TMPRSS13: variants seen among roughly 807,000 people sequenced by gnomAD.
The protein encoded by TMPRSS13 is transmembrane protease serine 13.
A neutral mutation model predicts 68.4 loss-of-function variants in TMPRSS13; 50 were observed. The observed-to-expected ratio is 0.73, with a 90% CI of 0.58 to 0.93. TMPRSS13 has a LOEUF of 0.93. TMPRSS13 is among the 40% of genes least tolerant of loss of function. The pLI, the probability that TMPRSS13 is intolerant of heterozygous loss-of-function variation, is 0.00. For missense variants in TMPRSS13, 615 were observed against 729.2 expected (o/e 0.84, Z 1.80); for synonymous variants, 267 against 285.8 (o/e 0.93, Z 0.66).
At position 117,914,598 on chromosome 11, in the gene TMPRSS13, G is replaced by C. The variant is rs180774032; in HGVS notation, c.557-84C>G. 1.4e-5 allele frequency: 22 copies of C among 1,581,572 alleles called. No individual in the cohort carries two copies. The highest frequency in any genetic ancestry group is 2.7e-5 in the African/African-American group (2 of 74,384). Reference sequence around the variant, plus strand: ...AGCAGCCCAAGGACCTGGGGGTTCTGAGACACCGACCTGCAATCCCTCTTG... The same window carrying C: ...AGCAGCCCAAGGACCTGGGGGTTCTCAGACACCGACCTGCAATCCCTCTTG... On this transcript the variant is annotated intron_variant, in intron 3 of 12. Coordinates refer to ENST00000524993, the MANE Select transcript of TMPRSS13 (RefSeq NM_001077263.3). The surrounding 1 kb of genome is among the most constrained non-coding windows in gnomAD (Gnocchi z 4.2).
chr11:117,908,915 A>C, intron 8 of TMPRSS13, 131 bp from the exon 9 acceptor site: 1 of 872,934 alleles, frequency 1.1e-6, no homozygotes, highest in Admixed American at 2.8e-5. Context: ...TGACCTCTGG[A>C]GGGAACCCTC....
At chr11:117,904,192 C>T in intron 10 of TMPRSS13, 91 bp from the exon 11 acceptor site, 1 of 1,487,866 alleles carries the variant, frequency 6.7e-7, no homozygotes, top group East Asian at 2.3e-5. Context: ...CCCCAAGACC[C>T]AGAATCACAG....
At chr11:117,910,930 G>A (rs986726515) in intron 6 of TMPRSS13, among the ~76,000 whole-genome samples, 180 bp from the exon 7 acceptor site, 14 of 152,124 alleles carry the variant, frequency 9.2e-5, no homozygotes, top group African/African-American at 3.1e-4. Context: ...CCAGTGCTTT[G>A]TCCAGAATCG....
At chr11:117,918,947 T>C in intron 1 of TMPRSS13, 109 bp from the exon 2 acceptor site, 1 of 1,455,454 alleles carries the variant, frequency 6.9e-7, no homozygotes, top group Non-Finnish European at 9.3e-7. Flanking sequence ...AGCTAGGGGT[T>C]GAGCAAAGCC....
intron 12 of TMPRSS13, chr11:117,903,265 A>G (rs889995413): frequency 3.1e-6 from 4 of 1,273,476 alleles, no homozygotes; most frequent in Admixed American, 2.9e-5. Flanking sequence ...GAGCTGGGAA[A>G]GGCCATGAAG....
intron 1 of TMPRSS13, among the ~76,000 whole-genome samples, chr11:117,919,649 C>G (rs940438144): frequency 7.2e-5 from 11 of 152,288 alleles, no homozygotes; most frequent in African/African-American, 1.2e-4. Flanking sequence ...ATACTAATCA[C>G]TCGTGTGTGT....
chr11:117,906,213 G>GT (rs1186063514), intron 9 of TMPRSS13, among the ~76,000 whole-genome samples: 1 of 152,268 alleles, frequency 6.6e-6, no homozygotes, highest in African/African-American at 2.4e-5. Context: ...TCCAGAGCCT[G>GT]TGGCTCTCCT....
chr11:117,908,187 A>T (rs2057482752), intron 9 of TMPRSS13: 5 of 606,694 alleles, frequency 8.2e-6, no homozygotes, highest in Non-Finnish European at 7.2e-6. Flanking sequence ...TCTCTCTGTA[A>T]AGCTCCATTT....
At chr11:117,903,323 T>G (rs1215796352) in intron 12 of TMPRSS13, 1 of 1,423,214 alleles carries the variant, frequency 7.0e-7, no homozygotes, top group Non-Finnish European at 9.5e-7. Flanking sequence ...TATCACAAAA[T>G]CCTCTGCAGA....
chr11:117,906,059 C>A (rs765614390), intron 9 of TMPRSS13, among the ~76,000 whole-genome samples: 2 of 152,266 alleles, frequency 1.3e-5, no homozygotes, highest in Non-Finnish European at 1.5e-5. Flanking sequence ...GGGTCTCTCC[C>A]TACTGAGAGG....
intron 6 of TMPRSS13, among the ~76,000 whole-genome samples, chr11:117,911,311 C>T (rs1378416461): frequency 6.6e-6 from 1 of 152,204 alleles, no homozygotes; most frequent in Non-Finnish European, 1.5e-5. Flanking sequence ...TGGCGGTCCC[C>T]TACTGCTGCC....
intron 12 of TMPRSS13, chr11:117,903,214 C>G: frequency 7.4e-7 from 1 of 1,354,270 alleles, no homozygotes; most frequent in Non-Finnish European, 9.6e-7. Context: ...AAAAAGACAA[C>G]AACAACAACA....
At chr11:117,902,409 G>T in intron 12 of TMPRSS13, 144 bp from the exon 13 acceptor site, 1 of 865,488 alleles carries the variant, frequency 1.2e-6, no homozygotes, top group Non-Finnish European at 1.9e-6. Flanking sequence ...AAAGGGAAAG[G>T]ATGGATGCAG....
intron 8 of TMPRSS13, 111 bp from the exon 9 acceptor site, chr11:117,908,895 A>G (rs1300406699): frequency 9.0e-7 from 1 of 1,108,060 alleles, no homozygotes; most frequent in Non-Finnish European, 1.3e-6. Flanking sequence ...AGGCAGGAGG[A>G]TGGATAAAAT....
chr11:117,905,614 C>G, intron 10 of TMPRSS13, 24 bp downstream of exon 10: 2 of 1,567,718 alleles, frequency 1.3e-6, no homozygotes, highest in Non-Finnish European at 1.7e-6. Flanking sequence ...TACATACACA[C>G]AACCAAGCAT....
chr11:117,929,090 C>T (rs931163001), intron 1 of TMPRSS13, among the ~76,000 whole-genome samples, 197 bp downstream of exon 1: 2 of 152,166 alleles, frequency 1.3e-5, no homozygotes, highest in African/African-American at 4.8e-5. Context: ...GCAGCTTCTC[C>T]TCCCAGGGGC....
At chr11:117,921,207 G>A (rs2057643089) in intron 1 of TMPRSS13, among the ~76,000 whole-genome samples, 1 of 152,142 alleles carries the variant, frequency 6.6e-6, no homozygotes, top group Admixed American at 6.5e-5. Context: ...AGCAAGGAGG[G>A]CCTTGACCTA....
chr11:117,903,893 C>A, intron 11 of TMPRSS13, 66 bp downstream of exon 11: 1 of 1,596,342 alleles, frequency 6.3e-7, no homozygotes, highest in East Asian at 2.3e-5. Context: ...CACATCAGCC[C>A]CAACACCCCT....
At chr11:117,919,747 G>A (rs2057624224) in intron 1 of TMPRSS13, among the ~76,000 whole-genome samples, 1 of 152,250 alleles carries the variant, frequency 6.6e-6, no homozygotes, top group Non-Finnish European at 1.5e-5. Context: ...TATTTTGGAA[G>A]GCCATTTTAC....
Sources: allele counts gnomAD v4.1 joint callset (sites outside exome capture counted in the v4.1 genomes callset), GRCh38; gene constraint gnomAD v4.1.1; non-coding constraint Gnocchi (gnomAD v3.1); transcripts MANE v1.5; gene names NCBI Gene and HGNC (gene_info 2026-07-23, HGNC 2026-07-21).